Variants in NALF1 observed in about 807,000 individuals in gnomAD.
The protein encoded by NALF1 is NALCN channel auxiliary factor 1.
NALF1 carries 3 observed loss-of-function variants against 48.4 expected under a neutral mutation model. That is an observed-to-expected ratio of 0.06 (90% CI 0.03 to 0.16). The LOEUF is 0.16. Among genes scored for constraint, NALF1 ranks in the 10% least tolerant of loss-of-function variants. The pLI is 1.00. For missense variants in NALF1, 526 were observed against 571.5 expected (o/e 0.92, Z 0.81); for synonymous variants, 262 against 245.7 (o/e 1.07, Z -0.62).
chr13:107,730,019 C>A (rs965736940), intron 1 of NALF1, among the ~76,000 whole-genome samples: 11 of 152,136 alleles, frequency 7.2e-5, no homozygotes, highest in Admixed American at 7.2e-4. Flanking sequence ...AAAGTCACTT[C>A]TGCTGATTAT....
intron 1 of NALF1, among the ~76,000 whole-genome samples, chr13:107,449,087 T>C (rs1295506777): frequency 1.3e-5 from 2 of 151,956 alleles, no homozygotes. Context: ...CAACTAAAAA[T>C]ACAAAAATTA....
At chr13:107,570,676 TA>T (rs1430961946) in intron 1 of NALF1, among the ~76,000 whole-genome samples, 1 of 151,734 alleles carries the variant, frequency 6.6e-6, no homozygotes, top group Non-Finnish European at 1.5e-5. Flanking sequence ...GGAACATATT[TA>T]TTTTTAAAAG....
chr13:107,244,787 G>A (rs1412538770), intron 1 of NALF1, among the ~76,000 whole-genome samples: 1 of 152,136 alleles, frequency 6.6e-6, no homozygotes, highest in Non-Finnish European at 1.5e-5. Flanking sequence ...CTATTTCCAA[G>A]GGTAAGTTGT....
intron 1 of NALF1, among the ~76,000 whole-genome samples, chr13:107,776,913 G>A (rs1267278266): frequency 6.6e-6 from 1 of 152,060 alleles, no homozygotes; most frequent in African/African-American, 2.4e-5. Context: ...CAATGTAGGA[G>A]GATCCTATCT....
At chr13:107,847,319 G>C (rs970741545) in intron 1 of NALF1, among the ~76,000 whole-genome samples, 1 of 152,120 alleles carries the variant, frequency 6.6e-6, no homozygotes, top group African/African-American at 2.4e-5. Context: ...TACATTATGT[G>C]AAATTATCTC....
chr13:107,502,185 C>T (rs1352707936), intron 1 of NALF1, among the ~76,000 whole-genome samples: 1 of 152,050 alleles, frequency 6.6e-6, no homozygotes, highest in Non-Finnish European at 1.5e-5. Context: ...TGAGAAAAAA[C>T]ACTTTGATAA....
At chr13:107,516,507 T>C (rs1876057893) in intron 1 of NALF1, among the ~76,000 whole-genome samples, 1 of 152,214 alleles carries the variant, frequency 6.6e-6, no homozygotes, top group Non-Finnish European at 1.5e-5. Flanking sequence ...GTTTTTCAGC[T>C]TTATTAATGT....
rs202140892 is a variant in NALF1 at position 107,569,967 on chromosome 13, A to AT, written c.915+295714dup. Among the ~76,000 whole-genome samples, 79 of 152,066 alleles carry AT rather than the reference A, an allele frequency of 5.2e-4. 3 individuals carry two copies. Among genetic ancestry groups the AT allele is most frequent in the South Asian group, 2.1e-4 (1 of 4,814 alleles). ...CTTTGAAAAACTGCAAAGACATTGT[A>AT]TTTTTTTTAAAAAAAATCTCTGTTT... On this transcript the variant is annotated intron_variant, in intron 1 of 2. Coordinates refer to ENST00000375915, the MANE Select transcript of NALF1 (RefSeq NM_001080396.3).
intron 1 of NALF1, among the ~76,000 whole-genome samples, chr13:107,698,756 T>C (rs895315191): frequency 1.3e-5 from 2 of 152,078 alleles, no homozygotes; most frequent in African/African-American, 4.8e-5. Context: ...GACCACTTTA[T>C]AGCTAAGTGT....
intron 1 of NALF1, among the ~76,000 whole-genome samples, chr13:107,258,505 C>G (rs1880866271): frequency 6.6e-6 from 1 of 152,102 alleles, no homozygotes; most frequent in South Asian, 2.1e-4. Flanking sequence ...TCTACAATCA[C>G]AAAATTTAAT....
intron 1 of NALF1, among the ~76,000 whole-genome samples, chr13:107,256,110 G>A (rs1880808602): frequency 6.6e-6 from 1 of 152,124 alleles, no homozygotes; most frequent in Admixed American, 6.5e-5. Context: ...CAAACTAGTT[G>A]TTGAAAACAG....
intron 1 of NALF1, among the ~76,000 whole-genome samples, chr13:107,488,086 G>T (rs954314710): frequency 2.6e-5 from 4 of 151,596 alleles, no homozygotes; most frequent in Admixed American, 2.6e-4. Context: ...TCTGATGGTT[G>T]TTTGTATTTC....
At chr13:107,290,199 C>T (rs1408572) in intron 1 of NALF1, among the ~76,000 whole-genome samples, 2 of 148,034 alleles carry the variant, frequency 1.4e-5, no homozygotes, top group Non-Finnish European at 3.0e-5. Flanking sequence ...AAAAAAAAAA[C>T]CAGAAATACA....
chr13:107,828,458 A>G (rs956845499), intron 1 of NALF1, among the ~76,000 whole-genome samples: 1 of 151,120 alleles, frequency 6.6e-6, no homozygotes, highest in African/African-American at 2.4e-5. Context: ...TCACTCAGAA[A>G]ATAGAGTGCT....
chr13:107,430,348 G>A (rs1355123519), intron 1 of NALF1, among the ~76,000 whole-genome samples: 1 of 151,494 alleles, frequency 6.6e-6, no homozygotes, highest in Non-Finnish European at 1.5e-5. Flanking sequence ...ATGCAGGTTT[G>A]TTACATATGT....
intron 1 of NALF1, among the ~76,000 whole-genome samples, chr13:107,454,839 C>A (rs1241520224): frequency 6.6e-6 from 1 of 152,178 alleles, no homozygotes; most frequent in South Asian, 2.1e-4. Flanking sequence ...GCCATTTAGG[C>A]TATTTAACTG....
intron 1 of NALF1, among the ~76,000 whole-genome samples, chr13:107,847,367 G>A (rs1468830911): frequency 6.6e-6 from 1 of 152,200 alleles, no homozygotes; most frequent in Admixed American, 6.5e-5. Flanking sequence ...TGTGCAAACA[G>A]TCTTTAAGGT....
intron 1 of NALF1, among the ~76,000 whole-genome samples, chr13:107,433,614 C>T (rs193139167): frequency 6.9e-4 from 104 of 150,950 alleles, no homozygotes; most frequent in African/African-American, 1.9e-3. Context: ...AATATATGTG[C>T]AATAAAATGA....
rs112552880 is a variant in NALF1 at position 107,663,785 on chromosome 13, C to T, written c.915+201897G>A. 4.0e-3 allele frequency among the ~76,000 whole-genome samples: 606 copies of T among 152,202 alleles called. 5 individuals carry two copies. The highest frequency in any genetic ancestry group is 0.013 in the African/African-American group (536 of 41,542). ...ATTGGCATGATTTTCACAATTGATC[C>T]CTTCTTATTTCATGCACTTTCTTCA... On this transcript the variant is annotated intron_variant, in intron 1 of 2. Transcript: ENST00000375915.
Sources: gnomAD v4.1 joint callset for allele counts (sites outside exome capture counted in the v4.1 genomes callset) on GRCh38, gnomAD v4.1.1 for gene constraint, MANE v1.5 for transcripts, NCBI Gene and HGNC (gene_info 2026-07-23, HGNC 2026-07-21) for gene names.